Variants in MAP3K4 observed in about 807,000 individuals in gnomAD.
The protein encoded by MAP3K4 is MAP three kinase 1.
A neutral mutation model predicts 185.6 loss-of-function variants in MAP3K4; 67 were observed. The observed-to-expected ratio is 0.36, with a 90% CI of 0.30 to 0.44. The LOEUF is 0.44. MAP3K4 is among the 20% of genes least tolerant of loss of function. The pLI, the probability that MAP3K4 is intolerant of heterozygous loss-of-function variation, is 1.00. For missense variants in MAP3K4, 1,551 were observed against 1,995.1 expected (o/e 0.78, Z 4.24); for synonymous variants, 702 against 710.4 (o/e 0.99, Z 0.19).
chr6:161,094,409 G>A (rs1006498989), intron 15 of MAP3K4, among the ~76,000 whole-genome samples: 2 of 152,162 alleles, frequency 1.3e-5, no homozygotes, highest in African/African-American at 2.4e-5. Flanking sequence ...TACAGTTTAT[G>A]TACAATTTTA....
chr6:161,034,438 C>A lies in MAP3K4; in HGVS notation c.332C>A (p.Ser111Tyr). Residue 111 changes from serine (S) to tyrosine (Y), a missense_variant, in exon 2 of 27, where the codon TCT (serine) becomes TAT (tyrosine). Physicochemically the swap from Ser to Tyr is moderately radical, Grantham distance 144. This residue lies in a region of MAP3K4 where 287 missense variants were observed against 268.8 expected (regional missense o/e 1.07). Transcript: ENST00000392142. The surrounding 1 kb of genome is among the most constrained non-coding windows in gnomAD (Gnocchi z 4.4). ...RNNVGRPASR[S>Y]NLKEKMNAPN... ...AATGTGGGGAGGCCAGCCAGTCGGTCTAATTTGAAAGGTGAGTCTTGTACT... is the reference window on the plus strand; with the variant it reads ...AATGTGGGGAGGCCAGCCAGTCGGTATAATTTGAAAGGTGAGTCTTGTACT... The A allele has an allele frequency of 1.2e-6, 2 of 1,613,616 alleles. No individual in the cohort carries two copies. Among genetic ancestry groups the A allele is most frequent in the South Asian group, 2.2e-5 (2 of 91,024 alleles).
At chr6:161,042,626 C>G (rs1783523818) in intron 2 of MAP3K4, among the ~76,000 whole-genome samples, 1 of 152,078 alleles carries the variant, frequency 6.6e-6, no homozygotes, top group Non-Finnish European at 1.5e-5. Flanking sequence ...ACTGTTTGTT[C>G]TTAAGGTTGG....
rs772871891 is a variant in MAP3K4, at chr6:161,053,422, T to C, written c.1707+3443T>C. On this transcript the variant is annotated intron_variant, in intron 3 of 26. Transcript: ENST00000392142. This position sits in a 1 kb window ranked among gnomAD's most constrained non-coding sequence, Gnocchi z 4.2. ...TGCTCTACAAATCAACCATAAACTTTTAGAAGTTTTATTACTTTTTCTTCC... is the reference window on the plus strand; with the variant it reads ...TGCTCTACAAATCAACCATAAACTTCTAGAAGTTTTATTACTTTTTCTTCC... 6.6e-6 allele frequency among the ~76,000 whole-genome samples: 1 copy of C among 152,238 alleles called. No homozygotes were observed. Among genetic ancestry groups the C allele is most frequent in the Non-Finnish European group, 1.5e-5 (1 of 68,032 alleles).
chr6:161,110,575 C>G lies in MAP3K4; in HGVS notation c.4396+661C>G, dbSNP rs538449881. 6.6e-6 allele frequency among the ~76,000 whole-genome samples: 1 copy of G among 152,314 alleles called. No individual in the cohort carries two copies. Among genetic ancestry groups the G allele is most frequent in the Admixed American group, 6.5e-5 (1 of 15,296 alleles). On this transcript the variant is annotated intron_variant, in intron 23 of 26. Transcript: ENST00000392142. This position sits in a 1 kb window ranked among gnomAD's most constrained non-coding sequence, Gnocchi z 4.8. ...GAAGTATTTTTGTGCCTATTTGGCCCTAGGCTGAAGAGTTTCATTCTGTCC... is the reference window on the plus strand; with the variant it reads ...GAAGTATTTTTGTGCCTATTTGGCCGTAGGCTGAAGAGTTTCATTCTGTCC...
chr6:161,000,788 T>TAC (rs965310713), intron 1 of MAP3K4, among the ~76,000 whole-genome samples: 1 of 148,534 alleles, frequency 6.7e-6, no homozygotes, highest in Non-Finnish European at 1.5e-5. Context: ...CACCCATATA[T>TAC]ACACACATGT....
At position 161,084,608 on chromosome 6, in the gene MAP3K4, A is replaced by G. The variant is rs1379911163; in HGVS notation, c.2363A>G (p.Asp788Gly). The G allele has an allele frequency of 6.3e-7, 1 of 1,591,854 alleles. No homozygotes were observed. Among genetic ancestry groups the G allele is most frequent in the Non-Finnish European group, 8.6e-7 (1 of 1,159,750 alleles). Residue 788 changes from aspartate (D) to glycine (G), a missense_variant, in exon 7 of 27, where the codon GAC (aspartate) becomes GGC (glycine). Coordinates refer to ENST00000392142, the MANE Select transcript of MAP3K4 (RefSeq NM_005922.4). The surrounding 1 kb of genome is among the most constrained non-coding windows in gnomAD (Gnocchi z 4.6). ...AGTGCGGATGACAGCAGTGCTTCCG[A>G]CGAAATCAGGTTGGAGTTGTGCTTC... ...WTSADDSSASDEIRRSVIEIS... is the reference protein window; with the variant it reads ...WTSADDSSASGEIRRSVIEIS...
chr6:161,087,567 A>T lies in MAP3K4; in HGVS notation c.2557-121A>T. On this transcript the variant is annotated intron_variant, in intron 9 of 26. Coordinates refer to ENST00000392142, the MANE Select transcript of MAP3K4 (RefSeq NM_005922.4). This position sits in a 1 kb window ranked among gnomAD's most constrained non-coding sequence, Gnocchi z 4.9. ...CTACCTGCAGTTCCCTCACTGCTCC[A>T]ATTCATGCCCTTCCCACTTTCCCTT... 2 of 982,474 alleles carry T rather than the reference A, an allele frequency of 2.0e-6. No homozygotes were observed. The highest frequency in any genetic ancestry group is 2.0e-5 in the Admixed American group (1 of 48,782). 60.9% of individuals were successfully genotyped at this position (982,474 alleles called of 1,614,324 possible).
At chr6:161,005,628 AAT>A (rs1781549809) in intron 1 of MAP3K4, among the ~76,000 whole-genome samples, 1 of 152,184 alleles carries the variant, frequency 6.6e-6, no homozygotes, top group Admixed American at 6.5e-5. Context: ...AATTTGTTTA[AAT>A]ACAAATTTAC....
In MAP3K4 at chr6:161,089,391, T is replaced by G. The variant is rs950204696; in HGVS notation, c.2893T>G (p.Ser965Ala). 1.2e-6 allele frequency: 2 copies of G among 1,614,174 alleles called. No homozygotes were observed. The highest frequency in any genetic ancestry group is 1.7e-6 in the Non-Finnish European group (2 of 1,180,032). Residue 965 changes from serine to alanine, a missense_variant, in exon 11 of 27, where the codon TCC (serine) becomes GCC (alanine). Ser to Ala is a moderately conservative substitution (Grantham distance 99). Transcript: ENST00000392142. Reference protein sequence around the residue: ...LTIQRKAFQQSIEGLMTLCQE... With the variant: ...LTIQRKAFQQAIEGLMTLCQE... ...AATTCAGAGAAAAGCTTTCCAGCAG[T>G]CCATTGAGGGACTTATGACTCTGTG...
At position 161,109,857 on chromosome 6, in the gene MAP3K4, A is replaced by G; in HGVS notation, c.4339A>G (p.Ile1447Val). ...EHVIRLYSKQ[I>V]TIAINVLHEH... The stretch of plus-strand genomic sequence containing the variant: ...TGTGATTAGGCTGTATTCAAAGCAG[A>G]TCACCATTGCGATCAACGTCCTCCA... The change falls in exon 23 of 27, where the codon ATC (isoleucine) becomes GTC (valine). Residue 1447 changes from isoleucine to valine, a missense_variant. Ile to Val is a conservative substitution (Grantham distance 29). Around this residue, in one of 16 missense-constraint regions of MAP3K4, gnomAD observed 159 missense variants for 300.5 expected, o/e 0.53. Transcript: ENST00000392142. This position sits in a 1 kb window ranked among gnomAD's most constrained non-coding sequence, Gnocchi z 5.7. 6.2e-7 allele frequency: 1 copy of G among 1,614,114 alleles called. No individual in the cohort carries two copies. Among genetic ancestry groups the G allele is most frequent in the Non-Finnish European group, 8.5e-7 (1 of 1,180,006 alleles).
chr6:161,098,416 C>G lies in MAP3K4; in HGVS notation c.3663C>G (p.Ala1221=). 1 of 1,613,466 alleles carries G rather than the reference C, an allele frequency of 6.2e-7. No homozygotes were observed. Among genetic ancestry groups the G allele is most frequent in the Non-Finnish European group, 8.5e-7 (1 of 1,179,750 alleles). ...TGCTGCCCAAATCCATCAGCAGTGC[C>G]CATGATACCAGGTAGTCTCACCCCA... ...DSVLPKSISS[A]HDTRGSSVPE... The change falls in exon 17 of 27, where the codon GCC becomes GCG. Residue 1221 remains alanine (A), a synonymous_variant. Coordinates refer to ENST00000392142, the MANE Select transcript of MAP3K4 (RefSeq NM_005922.4). This position sits in a 1 kb window ranked among gnomAD's most constrained non-coding sequence, Gnocchi z 4.4.
Position 161,075,437 on chromosome 6 carries a change from A to G in MAP3K4, c.2097+1825A>G, listed in dbSNP as rs1182231809. 6.6e-6 allele frequency among the ~76,000 whole-genome samples: 1 copy of G among 152,166 alleles called. No individual in the cohort carries two copies. Among genetic ancestry groups the G allele is most frequent in the Non-Finnish European group, 1.5e-5 (1 of 68,030 alleles). ...CTCCCAAAGTGCTGGGATTATAGGC[A>G]TTAGCCACCACACCTGCCCACTATA... On this transcript the variant is annotated intron_variant, in intron 5 of 26. Coordinates refer to ENST00000392142, the MANE Select transcript of MAP3K4 (RefSeq NM_005922.4). The surrounding 1 kb of genome is among the most constrained non-coding windows in gnomAD (Gnocchi z 4.3).
chr6:161,060,836 G>A (rs2114790983), intron 3 of MAP3K4, among the ~76,000 whole-genome samples: 1 of 152,116 alleles, frequency 6.6e-6, no homozygotes, highest in African/African-American at 2.4e-5. Context: ...GGCCAGCCCG[G>A]TCTCAAACTC....
chr6:161,053,454 C>A lies in MAP3K4; in HGVS notation c.1707+3475C>A, dbSNP rs1355111114. Among the ~76,000 whole-genome samples, 2 of 152,204 alleles carry A rather than the reference C, an allele frequency of 1.3e-5. No individual in the cohort carries two copies. Among genetic ancestry groups the A allele is most frequent in the Non-Finnish European group, 2.9e-5 (2 of 68,030 alleles). ...TTTTATTACTTTTTCTTCCTTGAAG[C>A]TAACTGTAAATCCATATGGGTGCAA... On this transcript the variant is annotated intron_variant, in intron 3 of 26. Transcript: ENST00000392142. The surrounding 1 kb of genome is among the most constrained non-coding windows in gnomAD (Gnocchi z 4.2).
rs1311169102 is a variant in MAP3K4 at position 161,063,674 on chromosome 6, G to T, written c.1708-6934G>T. On this transcript the variant is annotated intron_variant, in intron 3 of 26. Coordinates refer to ENST00000392142, the MANE Select transcript of MAP3K4 (RefSeq NM_005922.4). The surrounding 1 kb of genome is among the most constrained non-coding windows in gnomAD (Gnocchi z 5.4). ...GCCGAGAATTCCTGGAAGGGAATTT[G>T]GGGTACTAGTTTTAAGATATTATGG... Among the ~76,000 whole-genome samples the T allele has an allele frequency of 2.0e-5, 3 of 152,080 alleles. No homozygotes were observed. Among genetic ancestry groups the T allele is most frequent in the African/African-American group, 7.2e-5 (3 of 41,410 alleles).
intron 1 of MAP3K4, among the ~76,000 whole-genome samples, chr6:161,032,555 G>A (rs866016574): frequency 2.0e-5 from 3 of 152,274 alleles, no homozygotes; most frequent in South Asian, 2.1e-4. Flanking sequence ...GGATTTAAAC[G>A]TGGGTCTACT....
chr6:161,042,792 G>A (rs1783540780), intron 2 of MAP3K4, among the ~76,000 whole-genome samples: 1 of 152,106 alleles, frequency 6.6e-6, no homozygotes, highest in South Asian at 2.1e-4. Flanking sequence ...ATTGCTGGGC[G>A]ATCATTGTCA....
rs1778091954 is a variant in MAP3K4, at chr6:161,106,758, T to C, written c.4048+53T>C. 7.0e-7 allele frequency: 1 copy of C among 1,430,648 alleles called. No homozygotes were observed. The highest frequency in any genetic ancestry group is 1.4e-5 in the African/African-American group (1 of 70,028). 88.6% of individuals were successfully genotyped at this position (1,430,648 alleles called of 1,614,324 possible). ...AGATAGTCCCTGTTAGAAGTAGCAATAGTTATACTTCTTTAGGTTGAATCC... is the reference window on the plus strand; with the variant it reads ...AGATAGTCCCTGTTAGAAGTAGCAACAGTTATACTTCTTTAGGTTGAATCC... On this transcript the variant is annotated intron_variant, in intron 20 of 26. Coordinates refer to ENST00000392142, the MANE Select transcript of MAP3K4 (RefSeq NM_005922.4). This position sits in a 1 kb window ranked among gnomAD's most constrained non-coding sequence, Gnocchi z 4.9.
At position 161,061,970 on chromosome 6, in the gene MAP3K4, C is replaced by T. The variant is rs992673756; in HGVS notation, c.1708-8638C>T. Among the ~76,000 whole-genome samples, 3 of 152,128 alleles carry T rather than the reference C, an allele frequency of 2.0e-5. No individual in the cohort carries two copies. The highest frequency in any genetic ancestry group is 2.9e-5 in the Non-Finnish European group (2 of 68,016). ...TAAATGTATTCTCAAAGAAGTTTAG[C>T]TTCTCTGACAGGGATAGTTAATCTT... On this transcript the variant is annotated intron_variant, in intron 3 of 26. Coordinates refer to ENST00000392142, the MANE Select transcript of MAP3K4 (RefSeq NM_005922.4). The surrounding 1 kb of genome is among the most constrained non-coding windows in gnomAD (Gnocchi z 4.2).
Sources: allele counts gnomAD v4.1 joint callset (sites outside exome capture counted in the v4.1 genomes callset), GRCh38; gene constraint gnomAD v4.1.1; regional missense constraint gnomAD v4.1.1; non-coding constraint Gnocchi (gnomAD v3.1); transcripts MANE v1.5; gene names NCBI Gene and HGNC (gene_info 2026-07-23, HGNC 2026-07-21).